The following BCAS3 variants were observed in gnomAD, a reference collection of about 807,000 sequenced individuals.
BCAS3 encodes BCAS4/BCAS3 fusion.
In BCAS3, 53 loss-of-function variants were observed where a neutral mutation model predicts 116.1. That is an observed-to-expected ratio of 0.46 (90% CI 0.37 to 0.57). The LOEUF (loss-of-function observed/expected upper bound fraction) is 0.57. BCAS3 is among the 20% of genes least tolerant of loss of function. The pLI, the probability that BCAS3 is intolerant of heterozygous loss-of-function variation, is 0.00. For missense variants in BCAS3, 917 were observed against 1,165.4 expected (o/e 0.79, Z 3.10); for synonymous variants, 391 against 408.2 (o/e 0.96, Z 0.51).
At chr17:61,190,164 G>A (rs2080016687) in intron 22 of BCAS3, among the ~76,000 whole-genome samples, 1 of 152,088 alleles carries the variant, frequency 6.6e-6, no homozygotes. Context: ...AATTATCAGA[G>A]GCAAGAGCAG....
rs77841904 is a variant in BCAS3, at chr17:61,173,051, A to T, written c.2425+88487A>T. ...AGTGTCTTCTGACCACAATGGAATTAAATTAGAAATCAGTAGCCTTAAGGG... is the reference window on the plus strand; with the variant it reads ...AGTGTCTTCTGACCACAATGGAATTTAATTAGAAATCAGTAGCCTTAAGGG... On this transcript the variant is annotated intron_variant, in intron 22 of 23. Transcript: ENST00000407086. 8.7e-4 allele frequency among the ~76,000 whole-genome samples: 132 copies of T among 152,326 alleles called. 1 individual carries two copies. The highest frequency in any genetic ancestry group is 3.1e-3 in the African/African-American group (128 of 41,578).
chr17:61,309,416 A>T lies in BCAS3; in HGVS notation c.2426-58911A>T, dbSNP rs990940067. ...CTACCGTGTCACTCCCCATGTTGCC[A>T]TTCTGTAGAAGAGGAAGCAGGAAGC... On this transcript the variant is annotated intron_variant, in intron 22 of 23. Transcript: ENST00000407086. This position sits in a 1 kb window ranked among gnomAD's most constrained non-coding sequence, Gnocchi z 4.6. Among the ~76,000 whole-genome samples, 2 of 152,046 alleles carry T rather than the reference A, an allele frequency of 1.3e-5. No homozygotes were observed. Among genetic ancestry groups the T allele is most frequent in the African/African-American group, 4.8e-5 (2 of 41,392 alleles).
In BCAS3 at chr17:61,174,799, G is replaced by A. The variant is rs376110519; in HGVS notation, c.2425+90235G>A. The stretch of plus-strand genomic sequence containing the variant: ...CCCTGCTTCCCTACAATGCTCAAAC[G>A]GGGAGAAAATGAGAAAAAATCTTGT... On this transcript the variant is annotated intron_variant, in intron 22 of 23. Transcript: ENST00000407086. 2.6e-5 allele frequency among the ~76,000 whole-genome samples: 4 copies of A among 152,220 alleles called. No individual in the cohort carries two copies. The East Asian group carries it at 7.7e-4, about 29-fold the overall frequency.
At chr17:61,320,179 G>A (rs975472400) in intron 22 of BCAS3, among the ~76,000 whole-genome samples, 8 of 151,390 alleles carry the variant, frequency 5.3e-5, no homozygotes, top group Admixed American at 1.3e-4. Flanking sequence ...TGTGAGCCAC[G>A]GCACCTGGCC....
At chr17:60,867,161 C>CAGT (rs2054674220) in intron 7 of BCAS3, among the ~76,000 whole-genome samples, 2 of 151,114 alleles carry the variant, frequency 1.3e-5, no homozygotes, top group Admixed American at 6.6e-5. Flanking sequence ...GGCTGGAGTG[C>CAGT]AGTAGCACAA....
At chr17:61,271,122 T>C (rs2050202735) in intron 22 of BCAS3, among the ~76,000 whole-genome samples, 1 of 146,646 alleles carries the variant, frequency 6.8e-6, no homozygotes, top group South Asian at 2.1e-4. Flanking sequence ...CCAACTTTTA[T>C]TCTTTTTTTT....
intron 22 of BCAS3, among the ~76,000 whole-genome samples, chr17:61,223,758 G>C (rs1330410414): frequency 6.6e-6 from 1 of 152,196 alleles, no homozygotes; most frequent in Non-Finnish European, 1.5e-5. Flanking sequence ...TTGATTTCTT[G>C]GATATTGTAT....
chr17:60,870,597 T>A lies in BCAS3; in HGVS notation c.584+1914T>A, dbSNP rs114780697. Among the ~76,000 whole-genome samples, 829 of 152,300 alleles carry A rather than the reference T, an allele frequency of 5.4e-3. 9 individuals are homozygous for A. The highest frequency in any genetic ancestry group is 0.019 in the African/African-American group (783 of 41,554). ...TAGCAACACTGACTCAGAACACTTATCGCTCCTCCATTGTAACCCCCCAAT... is the reference window on the plus strand; with the variant it reads ...TAGCAACACTGACTCAGAACACTTAACGCTCCTCCATTGTAACCCCCCAAT... On this transcript the variant is annotated intron_variant, in intron 8 of 23. Coordinates refer to ENST00000407086, the MANE Select transcript of BCAS3 (RefSeq NM_017679.5).
intron 5 of BCAS3, among the ~76,000 whole-genome samples, chr17:60,722,740 A>G (rs1039373102): frequency 1.4e-4 from 21 of 146,924 alleles, no homozygotes; most frequent in Admixed American, 1.1e-3. Context: ...CAGCCTGGTG[A>G]CAGAGCGAGA....
intron 6 of BCAS3, among the ~76,000 whole-genome samples, chr17:60,780,736 G>T (rs1424275731): frequency 2.0e-5 from 3 of 152,148 alleles, no homozygotes; most frequent in Admixed American, 1.3e-4. Context: ...AAGCTGTGTT[G>T]CAGAGCTTCC....
At chr17:60,861,720 T>A (rs1271973768) in intron 7 of BCAS3, among the ~76,000 whole-genome samples, 1 of 152,210 alleles carries the variant, frequency 6.6e-6, no homozygotes, top group Non-Finnish European at 1.5e-5. Context: ...TTATTGAAAG[T>A]CTTTTCTGCA....
chr17:61,001,563 A>AC (rs1424854754), intron 15 of BCAS3, among the ~76,000 whole-genome samples: 15 of 152,142 alleles, frequency 9.9e-5, no homozygotes, highest in African/African-American at 3.6e-4. Context: ...ATTTTTGCCA[A>AC]GAAAAATCAA....
intron 19 of BCAS3, among the ~76,000 whole-genome samples, chr17:61,045,129 T>C (rs931206756): frequency 1.3e-5 from 2 of 152,028 alleles, no homozygotes. Flanking sequence ...TTTTGTTTCT[T>C]ACCTCAGAAG....
chr17:60,880,846 T>G (rs1171798008), intron 9 of BCAS3, among the ~76,000 whole-genome samples: 2 of 152,234 alleles, frequency 1.3e-5, no homozygotes, highest in Non-Finnish European at 2.9e-5. Flanking sequence ...ATTTGTCTTT[T>G]CAATACTGAG....
Position 60,960,983 on chromosome 17 carries a change from ACATGCCTGATGTCTT to A in BCAS3, c.1221+13634_1221+13648del, listed in dbSNP as rs1567971703. 6.6e-6 allele frequency among the ~76,000 whole-genome samples: 1 copy of A among 151,944 alleles called. No homozygotes were observed. The highest frequency in any genetic ancestry group is 1.5e-5 in the Non-Finnish European group (1 of 67,992). On this transcript the variant is annotated intron_variant, in intron 14 of 23. Transcript: ENST00000407086. This position sits in a 1 kb window ranked among gnomAD's most constrained non-coding sequence, Gnocchi z 4.1. ...TGCTGATTGAGTGGATCCATGAAAC[ACATGCCTGATGTCTT>A]CAGCAGAATGTTGTCAAGCTATACT... is the stretch of plus-strand genomic sequence containing the variant.
chr17:60,734,891 T>C (rs2040815640), intron 5 of BCAS3, among the ~76,000 whole-genome samples: 1 of 152,202 alleles, frequency 6.6e-6, no homozygotes, highest in Admixed American at 6.5e-5. Context: ...TGGGATTACA[T>C]TGAATGTATA....
At chr17:61,121,323 A>G (rs1427984437) in intron 22 of BCAS3, among the ~76,000 whole-genome samples, 1 of 152,144 alleles carries the variant, frequency 6.6e-6, no homozygotes, top group Non-Finnish European at 1.5e-5. Context: ...CTTATATTCT[A>G]TAGTTTTGCT....
chr17:61,059,343 A>G (rs2069742131), intron 19 of BCAS3, among the ~76,000 whole-genome samples: 1 of 151,726 alleles, frequency 6.6e-6, no homozygotes, highest in Admixed American at 6.6e-5. Context: ...TGGCCTCCCA[A>G]AGTTCTGGGA....
rs2053312917 is a variant in BCAS3, at chr17:61,300,172, C to A, written c.2426-68155C>A. ...TTATTAGAAGTAAATACAGCTTATACTGAAAGGACAAAACAGCCAGCCAGT... is the reference window on the plus strand; with the variant it reads ...TTATTAGAAGTAAATACAGCTTATAATGAAAGGACAAAACAGCCAGCCAGT... On this transcript the variant is annotated intron_variant, in intron 22 of 23. Coordinates refer to ENST00000407086, the MANE Select transcript of BCAS3 (RefSeq NM_017679.5). The surrounding 1 kb of genome is among the most constrained non-coding windows in gnomAD (Gnocchi z 5.1). Among the ~76,000 whole-genome samples the A allele has an allele frequency of 6.6e-6, 1 of 152,146 alleles. No individual in the cohort carries two copies. The highest frequency in any genetic ancestry group is 2.4e-5 in the African/African-American group (1 of 41,414).
Sources: gnomAD v4.1 joint callset for allele counts (sites outside exome capture counted in the v4.1 genomes callset) on GRCh38, gnomAD v4.1.1 for gene constraint, Gnocchi (gnomAD v3.1) non-coding constraint, MANE v1.5 for transcripts, NCBI Gene and HGNC (gene_info 2026-07-23, HGNC 2026-07-21) for gene names.